Variants in ZKSCAN2 observed in about 807,000 individuals in gnomAD.
ZKSCAN2 encodes zinc finger with KRAB and SCAN domains 2, also known as zinc finger protein with KRAB and SCAN domains 2.
ZKSCAN2 carries 38 observed loss-of-function variants against 90.5 expected under a neutral mutation model. The observed-to-expected ratio is 0.42, with a 90% confidence interval of 0.32 to 0.55. The LOEUF (loss-of-function observed/expected upper bound fraction) is 0.55, where lower values mean the gene tolerates loss of function less well. Among genes scored for constraint, ZKSCAN2 ranks in the 20% least tolerant of loss-of-function variants. The pLI is 0.11. For missense variants in ZKSCAN2, 1,167 were observed against 1,202.6 expected, an observed-to-expected ratio of 0.97 and a Z score of 0.44; for synonymous variants, 429 against 421.6, an observed-to-expected ratio of 1.02 and a Z score of -0.22.
intron 5 of ZKSCAN2, chr16:25,246,247 CTTCT>C (rs1185846148): frequency 6.5e-6 from 1 of 154,762 alleles, no homozygotes; most frequent in Non-Finnish European, 1.4e-5. Flanking sequence ...TCTCCTTTGT[CTTCT>C]TTTAGATTAC....
rs1962781208 is a variant in ZKSCAN2, at chr16:25,237,089, C to CAT, written c.*2725_*2726dup. On this transcript the variant is annotated 3_prime_UTR_variant, in exon 7 of 7. Coordinates refer to ENST00000328086, the MANE Select transcript of ZKSCAN2 (RefSeq NM_001012981.5). ...ACACATGTAGACGTGTGTGTGTACACATACTGCGCTTAGGATCAGAGCTTT... is the reference window on the plus strand; with the variant it reads ...ACACATGTAGACGTGTGTGTGTACACATATACTGCGCTTAGGATCAGAGCTTT... 6.6e-6 allele frequency: 1 copy of CAT among 152,224 alleles called. No individual in the cohort carries two copies. Among genetic ancestry groups the CAT allele is most frequent in the South Asian group, 2.1e-4 (1 of 4,810 alleles). The allele number at this position is 152,224 out of a possible 1,614,324, so 9.4% of individuals were successfully genotyped here.
chr16:25,244,219 C>T lies in ZKSCAN2; in HGVS notation c.1547G>A (p.Arg516Gln), dbSNP rs370863799. The change falls in exon 6 of 7, where the codon CGG becomes CAG. Residue 516 changes from arginine (R) to glutamine (Q), a missense_variant. Physicochemically the swap from Arg to Gln is conservative, Grantham distance 43 (BLOSUM62 1). Transcript: ENST00000328086. Reference protein sequence around the residue: ...KTFLDILRETRFYEALQACHR... With the variant: ...KTFLDILRETQFYEALQACHR... ...ACAGGCTTGAAGCGCTTCATAAAAC[C>T]GAGTCTCACGGAGGATATCAAGAAA... 2.4e-5 allele frequency: 39 copies of T among 1,614,104 alleles called. No individual in the cohort carries two copies. Among genetic ancestry groups the T allele is most frequent in the Non-Finnish European group, 3.1e-5 (36 of 1,180,004 alleles).
chr16:25,252,069 T>TA (rs1467791856), intron 3 of ZKSCAN2, 34 bp from the exon 4 acceptor site: 1 of 1,611,662 alleles, frequency 6.2e-7, no homozygotes, highest in South Asian at 1.1e-5. Flanking sequence ...ACTACCAAGA[T>TA]AACTGCACAG....
intron 1 of ZKSCAN2, 34 bp downstream of exon 1, chr16:25,256,695 T>C (rs1289047963): frequency 6.3e-7 from 1 of 1,575,122 alleles, no homozygotes; most frequent in East Asian, 2.2e-5. Context: ...TTCCCTTTTT[T>C]CTAAGTACAA....
chr16:25,243,334 CTTTG>C (rs1367726967), intron 6 of ZKSCAN2, among the ~76,000 whole-genome samples: 2 of 152,108 alleles, frequency 1.3e-5, no homozygotes, highest in Non-Finnish European at 2.9e-5. Flanking sequence ...AGAACAGGAA[CTTTG>C]TTTTTTTCAG....
At position 25,237,796 on chromosome 16, in the gene ZKSCAN2, T is replaced by A. The variant is rs1962792641; in HGVS notation, c.*2020A>T. On this transcript the variant is annotated 3_prime_UTR_variant, in exon 7 of 7. Transcript: ENST00000328086. Reference sequence around the variant, plus strand: ...TCATGCTTCCACATAATATCAATCCTGTGTACATATTATTAAGTGGTGATT... The same window carrying A: ...TCATGCTTCCACATAATATCAATCCAGTGTACATATTATTAAGTGGTGATT... 6.6e-6 allele frequency: 1 copy of A among 152,278 alleles called. No individual in the cohort carries two copies. Among genetic ancestry groups the A allele is most frequent in the Admixed American group, 6.5e-5 (1 of 15,290 alleles). The allele number at this position is 152,278 out of a possible 1,614,324, so 9.4% of individuals were successfully genotyped here.
chr16:25,253,147 C>T, intron 2 of ZKSCAN2, 110 bp from the exon 3 acceptor site: 1 of 863,304 alleles, frequency 1.2e-6, no homozygotes. Context: ...AATATAAATT[C>T]ACCATTTTAT....
At chr16:25,248,282 CAAAAAAA>C (rs55673563) in intron 4 of ZKSCAN2, among the ~76,000 whole-genome samples, 16 of 23,224 alleles carry the variant, frequency 6.9e-4, no homozygotes, top group Admixed American at 2.1e-3. Context: ...TTCTATACAG[CAAAAAAA>C]AAAAAAAAAA....
intron 3 of ZKSCAN2, 120 bp from the exon 4 acceptor site, chr16:25,252,155 G>A (rs1963031055): frequency 3.5e-6 from 4 of 1,146,042 alleles, no homozygotes; most frequent in Non-Finnish European, 4.9e-6. Flanking sequence ...CAAGTGGATA[G>A]TTTGCGCCAA....
rs762427083 is a variant in ZKSCAN2, at chr16:25,247,390, C to T, written c.806G>A (p.Gly269Glu). The T allele has an allele frequency of 1.3e-5, 20 of 1,597,432 alleles. No homozygotes were observed. Among genetic ancestry groups the T allele is most frequent in the Non-Finnish European group, 7.7e-6 (9 of 1,174,778 alleles). ...KENVGNVVSL[G>E]SAVSTSNKIT... is the part of the protein sequence containing the mutation. Reference sequence around the variant, plus strand: ...CTTGTTAGATGTAGACACTGCACTTCCTACAGTAAAATAAACATATTTCAT... The same window carrying T: ...CTTGTTAGATGTAGACACTGCACTTTCTACAGTAAAATAAACATATTTCAT... Residue 269 changes from glycine to glutamate, a missense_variant and splice_region_variant, in exon 5 of 7, where the codon GGA (glycine) becomes GAA (glutamate). Coordinates refer to ENST00000328086, the MANE Select transcript of ZKSCAN2 (RefSeq NM_001012981.5).
rs1233352099 is a variant in ZKSCAN2 at position 25,240,442 on chromosome 16, T to C, written c.2278A>G (p.Ser760Gly). 1.2e-5 allele frequency: 19 copies of C among 1,614,188 alleles called. No homozygotes were observed. The highest frequency in any genetic ancestry group is 1.5e-5 in the Non-Finnish European group (18 of 1,180,036). The change falls in exon 7 of 7, where the codon AGC (serine) becomes GGC (glycine). Residue 760 changes from serine to glycine, a missense_variant. Coordinates refer to ENST00000328086, the MANE Select transcript of ZKSCAN2 (RefSeq NM_001012981.5). ...LLKYGESFGR[S>G]TRLMCRMTHH... ...GTCATCCGGCACATCAGACGAGTGC[T>C]CCTTCCAAAGCTTTCTCCATATTTG...
rs575135150 is a variant in ZKSCAN2 at position 25,237,057 on chromosome 16, T to C, written c.*2759A>G. 1.1e-4 allele frequency: 16 copies of C among 148,540 alleles called. No individual in the cohort carries two copies. Among genetic ancestry groups the C allele is most frequent in the African/African-American group, 1.6e-4 (6 of 38,624 alleles). The allele number at this position is 148,540 out of a possible 1,614,324, so 9.2% of individuals were successfully genotyped here. ...AGTGTTTGTAATACATACATACAGA[T>C]CTACACACACATGTAGACGTGTGTG... On this transcript the variant is annotated 3_prime_UTR_variant, in exon 7 of 7. Coordinates refer to ENST00000328086, the MANE Select transcript of ZKSCAN2 (RefSeq NM_001012981.5).
At position 25,257,783 on chromosome 16, in the gene ZKSCAN2, G is replaced by C. The variant is rs1352722745; in HGVS notation, c.-656C>G. On this transcript the variant is annotated 5_prime_UTR_variant, in exon 1 of 7. Transcript: ENST00000328086. ...GGGGCGAAGCCAGGGCTCGCAGGGG[G>C]CAGCGGCAGGCTGCTCGCGTTCGGC... The C allele has an allele frequency of 6.6e-6, 1 of 152,382 alleles. No homozygotes were observed. Among genetic ancestry groups the C allele is most frequent in the Admixed American group, 6.5e-5 (1 of 15,276 alleles). 9.4% of individuals were successfully genotyped at this position (152,382 alleles called of 1,614,324 possible).
In ZKSCAN2 at chr16:25,239,598, C is replaced by A; in HGVS notation, c.*218G>T. 2.1e-6 allele frequency: 1 copy of A among 486,264 alleles called. No individual in the cohort carries two copies. Among genetic ancestry groups the A allele is most frequent in the Non-Finnish European group, 3.6e-6 (1 of 276,676 alleles). The allele number at this position is 486,264 out of a possible 1,614,324, so 30.1% of individuals were successfully genotyped here. On this transcript the variant is annotated 3_prime_UTR_variant, in exon 7 of 7. Coordinates refer to ENST00000328086, the MANE Select transcript of ZKSCAN2 (RefSeq NM_001012981.5). ...TTCATTCTGAACTCGGACAATGTAT[C>A]TTCGCCACATTCTTAAAGGAGAAGC...
At position 25,237,807 on chromosome 16, in the gene ZKSCAN2, T is replaced by G. The variant is rs1962792934; in HGVS notation, c.*2009A>C. On this transcript the variant is annotated 3_prime_UTR_variant, in exon 7 of 7. Transcript: ENST00000328086. ...CATAATATCAATCCTGTGTACATAT[T>G]ATTAAGTGGTGATTTCTATTAATTT... 1 of 152,256 alleles carries G rather than the reference T, an allele frequency of 6.6e-6. No individual in the cohort carries two copies. The highest frequency in any genetic ancestry group is 1.9e-4 in the East Asian group (1 of 5,202). The allele number at this position is 152,256 out of a possible 1,614,324, so 9.4% of individuals were successfully genotyped here.
intron 3 of ZKSCAN2, 110 bp downstream of exon 3, chr16:25,252,836 A>T: frequency 1.2e-6 from 1 of 860,902 alleles, no homozygotes; most frequent in African/African-American, 1.7e-5. Context: ...AATCGCTTGA[A>T]CCCAGGAGGC....
rs761378390 is a variant in ZKSCAN2 at position 25,243,839 on chromosome 16, T to C, written c.1927A>G (p.Ile643Val). 6.2e-7 allele frequency: 1 copy of C among 1,614,092 alleles called. No homozygotes were observed. The highest frequency in any genetic ancestry group is 1.7e-5 in the Admixed American group (1 of 60,000). Residue 643 changes from isoleucine (I) to valine (V), a missense_variant, in exon 6 of 7, where the codon ATT (isoleucine) becomes GTT (valine). By Grantham distance (29) the Ile-to-Val change is conservative. Coordinates refer to ENST00000328086, the MANE Select transcript of ZKSCAN2 (RefSeq NM_001012981.5). ...CCCTGGAACTCTGGCTCTTGCACAATTTCCTCCTCGCTCATTCTCTCACTG... is the reference window on the plus strand; with the variant it reads ...CCCTGGAACTCTGGCTCTTGCACAACTTCCTCCTCGCTCATTCTCTCACTG... ...SCSERMSEEEIVQEPEFQGPP... is the reference protein window; with the variant it reads ...SCSERMSEEEVVQEPEFQGPP...
intron 2 of ZKSCAN2, among the ~76,000 whole-genome samples, chr16:25,254,747 A>G (rs1323114918): frequency 6.6e-6 from 1 of 151,102 alleles, no homozygotes; most frequent in Admixed American, 6.6e-5. Flanking sequence ...TTACCACCAC[A>G]GGATCTCATA....
chr16:25,241,180 T>C (rs1457224403), intron 6 of ZKSCAN2, among the ~76,000 whole-genome samples: 1 of 152,192 alleles, frequency 6.6e-6, no homozygotes, highest in Non-Finnish European at 1.5e-5. Context: ...CACCCAAGGG[T>C]ACCTGTTTCT....
Sources: allele counts gnomAD v4.1 joint callset (sites outside exome capture counted in the v4.1 genomes callset), GRCh38; gene constraint gnomAD v4.1.1; transcripts MANE v1.5; gene names NCBI Gene and HGNC (gene_info 2026-07-23, HGNC 2026-07-21).